Variants in NPIPB6 observed in about 807,000 individuals in gnomAD.
NPIPB6 encodes nuclear pore complex interacting protein family member B6, also known as nuclear pore complex-interacting protein family member B6.
A neutral mutation model predicts 20.0 loss-of-function variants in NPIPB6; 2 were observed. That is an observed-to-expected ratio of 0.10 (90% CI 0.04 to 0.31). The LOEUF (loss-of-function observed/expected upper bound fraction) is 0.31. Ranked by LOEUF, NPIPB6 falls within the 10% of genes least tolerant of loss-of-function variation. The pLI is 1.00. For missense variants in NPIPB6, 96 were observed against 293.7 expected, an observed-to-expected ratio of 0.33 and a Z score of 4.92; for synonymous variants, 35 against 116.3, an observed-to-expected ratio of 0.30 and a Z score of 4.50.
At chr16:28,360,248 C>T (rs1401458112) in intron 1 of NPIPB6, among the ~76,000 whole-genome samples, 6 of 125,658 alleles carry the variant, frequency 4.8e-5, no homozygotes, top group Non-Finnish European at 1.1e-4. Context: ...AAAGACAGTG[C>T]CTGGATTTAA....
exon 1 of NPIPB6, chr16:28,362,837 C>T: frequency 6.5e-7 from 1 of 1,543,014 alleles, no homozygotes; most frequent in South Asian, 1.2e-5. Context: ...AGAATGAGAA[C>T]AGGGGCTCAT....
At chr16:28,360,509 G>A (rs1291307316) in intron 1 of NPIPB6, among the ~76,000 whole-genome samples, 1 of 130,172 alleles carries the variant, frequency 7.7e-6, no homozygotes, top group East Asian at 2.1e-4. Flanking sequence ...CCACCTGGCT[G>A]AGGATAAAGC....
chr16:28,350,220 T>G (rs2045198976), intron 2 of NPIPB6, among the ~76,000 whole-genome samples: 1 of 104,968 alleles, frequency 9.5e-6, no homozygotes, highest in African/African-American at 3.2e-5. Flanking sequence ...AAAAATGACA[T>G]GAATATACTT....
rs781607069 is a variant in NPIPB6, at chr16:28,343,114, T to C, written c.771A>G (p.Leu257=). ...GTGGCTGGCGGCCCATCCTGTTTTTTAAAGTTTCAGCTGTGAGGTAGGGCC... is the reference window on the plus strand; with the variant it reads ...GTGGCTGGCGGCCCATCCTGTTTTTCAAAGTTTCAGCTGTGAGGTAGGGCC... The change falls in exon 7 of 7, where the codon TTA becomes TTG. Residue 257 remains leucine, a synonymous_variant. Coordinates refer to ENST00000532254, the Ensembl canonical transcript of NPIPB6. The C allele has an allele frequency of 8.0e-5, 116 of 1,454,278 alleles. 8 individuals are homozygous for C. The highest frequency in any genetic ancestry group is 2.1e-4 in the East Asian group (9 of 43,178). The allele number at this position is 1,454,278 out of a possible 1,614,324, so 90.1% of individuals were successfully genotyped here.
chr16:28,360,572 C>T lies in NPIPB6; in HGVS notation c.120+2131G>A, dbSNP rs1341501809. Among the ~76,000 whole-genome samples, 26 of 138,244 alleles carry T rather than the reference C, an allele frequency of 1.9e-4. 1 individual carries two copies. The highest frequency in any genetic ancestry group is 4.4e-4 in the South Asian group (2 of 4,524). The allele number at this position is 138,244 out of a possible 152,430, so 90.7% of individuals were successfully genotyped here. Reference sequence around the variant, plus strand: ...CATTTCCCATCAGTTCCCCACTCTCCTCCTCTGCCCCTCCACAGTCTCCCA... The same window carrying T: ...CATTTCCCATCAGTTCCCCACTCTCTTCCTCTGCCCCTCCACAGTCTCCCA... On this transcript the variant is annotated intron_variant, in intron 1 of 6. Transcript: ENST00000532254.
At chr16:28,349,827 G>A (rs1449828888) in intron 2 of NPIPB6, among the ~76,000 whole-genome samples, 5 of 92,036 alleles carry the variant, frequency 5.4e-5, no homozygotes, top group Non-Finnish European at 9.6e-5. Flanking sequence ...GGAAAAGGTT[G>A]TGGTGAGCTG....
intron 2 of NPIPB6, among the ~76,000 whole-genome samples, chr16:28,349,971 G>T (rs1209496865): frequency 9.6e-6 from 1 of 104,530 alleles, no homozygotes; most frequent in African/African-American, 3.2e-5. Context: ...GGCTGAGGCG[G>T]GTGAATCACA....
intron 4 of NPIPB6, among the ~76,000 whole-genome samples, chr16:28,347,506 C>A (rs2045108518): frequency 8.2e-6 from 1 of 122,556 alleles, no homozygotes; most frequent in African/African-American, 2.6e-5. Flanking sequence ...GTGACCATCC[C>A]CCAGAAGTAG....
intron 1 of NPIPB6, among the ~76,000 whole-genome samples, chr16:28,360,423 C>T (rs893155206): frequency 1.5e-4 from 20 of 131,764 alleles, no homozygotes; most frequent in African/African-American, 4.2e-4. Context: ...TGATTACATC[C>T]GACCAAACTG....
chr16:28,361,730 A>ATGTGTGTG (rs750956017), intron 1 of NPIPB6, among the ~76,000 whole-genome samples: 9 of 100,866 alleles, frequency 8.9e-5, no homozygotes, highest in East Asian at 8.4e-4. Context: ...CTCTCTCTAT[A>ATGTGTGTG]TGTGTGTGTG....
intron 2 of NPIPB6, among the ~76,000 whole-genome samples, chr16:28,350,163 C>T (rs2045197037): frequency 9.6e-6 from 1 of 104,464 alleles, no homozygotes; most frequent in African/African-American, 3.2e-5. Flanking sequence ...CACCACTGCA[C>T]TCCAGCCTGG....
chr16:28,358,246 AACTC>A (rs1392695227), intron 1 of NPIPB6, among the ~76,000 whole-genome samples: 4 of 105,032 alleles, frequency 3.8e-5, no homozygotes, highest in Admixed American at 9.6e-5. Context: ...AGTGTGCCCA[AACTC>A]ACTCAGGCCT....
At chr16:28,361,778 GTGTGTGTGTATC>G (rs2045444186) in intron 1 of NPIPB6, among the ~76,000 whole-genome samples, 2 of 130,548 alleles carry the variant, frequency 1.5e-5, no homozygotes, top group Non-Finnish European at 3.3e-5. Flanking sequence ...GTATGTGTGT[GTGTGTGTGTATC>G]TATATAAATC....
rs1163104556 is a variant in NPIPB6, at chr16:28,348,584, A to AG, written c.599+249_599+250insC. 1.8e-4 allele frequency among the ~76,000 whole-genome samples: 20 copies of AG among 108,674 alleles called. 3 individuals carry two copies. The highest frequency in any genetic ancestry group is 4.0e-3 in the Middle Eastern group (1 of 250). 71.3% of individuals were successfully genotyped at this position (108,674 alleles called of 152,430 possible). On this transcript the variant is annotated intron_variant, in intron 4 of 6. Coordinates refer to ENST00000532254, the Ensembl canonical transcript of NPIPB6. ...AAAGCTCCATCTCAGGAAAAAAAAA[A>AG]AGAGAGAGAGAAAGGAAAACCAATG...
At chr16:28,342,933 C>A (rs1373661035) in exon 7 of NPIPB6, 1 of 1,599,334 alleles carries the variant, frequency 6.3e-7, no homozygotes, top group East Asian at 2.3e-5. Flanking sequence ...AGATTATCAT[C>A]CACTGAGGGT....
chr16:28,355,875 G>A (rs1320730949), intron 1 of NPIPB6, among the ~76,000 whole-genome samples: 16 of 121,382 alleles, frequency 1.3e-4, no homozygotes, highest in Middle Eastern at 7.6e-3. Flanking sequence ...TTGGCCAGGC[G>A]CGGTGGCTCA....
chr16:28,350,566 T>C (rs1451729752), intron 2 of NPIPB6, among the ~76,000 whole-genome samples: 5 of 110,760 alleles, frequency 4.5e-5, no homozygotes, highest in African/African-American at 1.6e-4. Flanking sequence ...TCTAAGATAT[T>C]AAATATTTGT....
chr16:28,346,309 T>C, intron 4 of NPIPB6: 1 of 810,552 alleles, frequency 1.2e-6, no homozygotes, highest in Non-Finnish European at 1.5e-6. Context: ...ATCTGACTCT[T>C]CCTGTGTGAG....
chr16:28,348,571 C>T (rs980452016), intron 4 of NPIPB6, among the ~76,000 whole-genome samples: 1 of 111,054 alleles, frequency 9.0e-6, no homozygotes, highest in African/African-American at 3.1e-5. Flanking sequence ...AGCTCCATCT[C>T]AGGAAAAAAA....
Sources: allele counts gnomAD v4.1 joint callset (sites outside exome capture counted in the v4.1 genomes callset), GRCh38; gene constraint gnomAD v4.1.1; transcripts MANE v1.5; gene names NCBI Gene and HGNC (gene_info 2026-07-23, HGNC 2026-07-21).